Variants in UACA observed in about 807,000 individuals in gnomAD.
UACA encodes the protein uveal autoantigen with coiled-coil domains and ankyrin repeats.
A neutral mutation model predicts 160.5 loss-of-function variants in UACA; 112 were observed. The observed-to-expected ratio is 0.70, with a 90% CI of 0.60 to 0.82. UACA has a LOEUF of 0.82. Among genes scored for constraint, UACA ranks in the 40% least tolerant of loss-of-function variants. UACA has a pLI of 0.00. For missense variants in UACA, 1,574 were observed against 1,614.6 expected (o/e 0.97, Z 0.43); for synonymous variants, 557 against 568.4 (o/e 0.98, Z 0.29).
intron 3 of UACA, among the ~76,000 whole-genome samples, chr15:70,694,570 A>G (rs2140957100): frequency 1.3e-5 from 2 of 152,280 alleles, no homozygotes; most frequent in South Asian, 4.1e-4. Context: ...AAAATGAATG[A>G]GAATAAAATG....
chr15:70,681,612 T>C (rs1433291800), intron 9 of UACA: 1 of 152,190 alleles, frequency 6.6e-6, no homozygotes, highest in Non-Finnish European at 1.5e-5. Flanking sequence ...CTGTGTGAGA[T>C]GGCTAGTACA....
chr15:70,692,539 G>C (rs916900983), intron 3 of UACA, among the ~76,000 whole-genome samples: 2 of 152,194 alleles, frequency 1.3e-5, no homozygotes, highest in Admixed American at 6.5e-5. Flanking sequence ...GAGAGGCCTA[G>C]GCAGGTGTAT....
At chr15:70,672,627 C>T (rs1039339624) in intron 13 of UACA, among the ~76,000 whole-genome samples, 6 of 152,074 alleles carry the variant, frequency 3.9e-5, no homozygotes, top group Non-Finnish European at 7.4e-5. Context: ...AAGCCAAATA[C>T]AAAGAATCTA....
chr15:70,769,572 A>T, the UACA span, among the ~76,000 whole-genome samples: 1 of 151,368 alleles, frequency 6.6e-6, no homozygotes, highest in South Asian at 2.1e-4. Context: ...ATTTTATATC[A>T]TATAAAATTA....
the UACA span, among the ~76,000 whole-genome samples, chr15:70,771,820 C>CA: frequency 0.18 from 27,482 of 152,002 alleles, 3,772 homozygotes; most frequent in African/African-American, 0.39. Flanking sequence ...AAGAAAACAG[C>CA]AATGCAACGG....
chr15:70,719,959 AT>A (rs745743535), intron 1 of UACA, among the ~76,000 whole-genome samples: 1 of 152,094 alleles, frequency 6.6e-6, no homozygotes, highest in Non-Finnish European at 1.5e-5. Context: ...ACAGGGTGAT[AT>A]GGTTTGGATC....
At chr15:70,746,225 A>G (rs952234023) in intron 1 of UACA, among the ~76,000 whole-genome samples, 1 of 152,240 alleles carries the variant, frequency 6.6e-6, no homozygotes, top group Admixed American at 6.5e-5. Flanking sequence ...AAATTTTTGC[A>G]ATCTATCCAT....
rs781150235 is a variant in UACA, at chr15:70,687,602, T to C, written c.540A>G (p.Pro180=). The C allele has an allele frequency of 6.2e-7, 1 of 1,613,958 alleles. No homozygotes were observed. The highest frequency in any genetic ancestry group is 8.5e-7 in the Non-Finnish European group (1 of 1,179,872). ...PLVLATQMSR[P]TICQLLIDRG... ...TATCTATCAGCAGTTGACATATTGT[T>C]GGCCTACTCATCTGAGTAGCCAGAA... The change falls in exon 7 of 19, where the codon CCA becomes CCG. Residue 180 remains proline (P), a synonymous_variant. Transcript: ENST00000322954.
At chr15:70,776,486 G>C in the UACA span, among the ~76,000 whole-genome samples, 2 of 148,030 alleles carry the variant, frequency 1.4e-5, no homozygotes, top group Non-Finnish European at 3.0e-5. Context: ...GGAGTGCAGT[G>C]GCGTGATCTC....
rs537603881 is a variant in UACA, at chr15:70,669,470, G to GAA, written c.1222-10_1222-9dup. The GAA allele has an allele frequency of 4.4e-5, 50 of 1,125,244 alleles. No individual in the cohort carries two copies. Among genetic ancestry groups the GAA allele is most frequent in the South Asian group, 1.4e-4 (7 of 49,474 alleles). 69.7% of individuals were successfully genotyped at this position (1,125,244 alleles called of 1,614,324 possible). ...TATACCTGGGGAAGTACACTGAAAA[G>GAA]AAAAAAAAAAAGACATCAATCACAA... is the stretch of plus-strand genomic sequence containing the variant. On this transcript the variant is annotated splice_polypyrimidine_tract_variant and intron_variant, in intron 15 of 18. Coordinates refer to ENST00000322954, the MANE Select transcript of UACA (RefSeq NM_018003.4).
chr15:70,722,541 C>A (rs535246184), intron 1 of UACA, among the ~76,000 whole-genome samples: 1 of 152,266 alleles, frequency 6.6e-6, no homozygotes, highest in Non-Finnish European at 1.5e-5. Context: ...TGGTCCTGAA[C>A]TACTGAGCTC....
Position 70,668,747 on chromosome 15 carries a change from T to C in UACA, c.1937A>G (p.Lys646Arg). 3.7e-6 allele frequency: 6 copies of C among 1,613,888 alleles called. No individual in the cohort carries two copies. Among genetic ancestry groups the C allele is most frequent in the Non-Finnish European group, 5.1e-6 (6 of 1,179,978 alleles). ...TTCCATTTCTACTAATTTTTTTGCTTTCTCATTCACTTCATTTGATAATGA... is the reference window on the plus strand; with the variant it reads ...TTCCATTTCTACTAATTTTTTTGCTCTCTCATTCACTTCATTTGATAATGA... Reference protein sequence around the residue: ...KSSLSNEVNEKAKKLVEMERE... With the variant: ...KSSLSNEVNERAKKLVEMERE... Residue 646 changes from lysine to arginine, a missense_variant, in exon 16 of 19, where the codon AAA becomes AGA. Coordinates refer to ENST00000322954, the MANE Select transcript of UACA (RefSeq NM_018003.4).
chr15:70,658,582 A>G (rs1896565934), intron 18 of UACA, among the ~76,000 whole-genome samples: 2 of 152,206 alleles, frequency 1.3e-5, no homozygotes, highest in African/African-American at 4.8e-5. Context: ...GAAACCAAGT[A>G]TCTTTTTTAC....
chr15:70,756,271 A>G (rs1323820666), intron 1 of UACA, among the ~76,000 whole-genome samples: 1 of 151,886 alleles, frequency 6.6e-6, no homozygotes, highest in Non-Finnish European at 1.5e-5. Flanking sequence ...GGTTCAAGCA[A>G]TTCTCCTGCC....
Position 70,702,192 on chromosome 15 carries a change from C to G in UACA, c.79-2532G>C, listed in dbSNP as rs1898390705. 3 of 1,170,656 alleles carry G rather than the reference C, an allele frequency of 2.6e-6. No individual in the cohort carries two copies. The South Asian group carries it at 9.6e-5, about 37-fold the overall frequency. The allele number at this position is 1,170,656 out of a possible 1,614,324, so 72.5% of individuals were successfully genotyped here. On this transcript the variant is annotated intron_variant, in intron 1 of 18. Transcript: ENST00000322954. ...ACAGTAACTCTATCTATTTCTTATT[C>G]TTTGGAAGCTAGCTATCTTTCAAAG...
intron 1 of UACA, among the ~76,000 whole-genome samples, chr15:70,725,704 T>C (rs1361685857): frequency 6.6e-6 from 1 of 152,012 alleles, no homozygotes; most frequent in Non-Finnish European, 1.5e-5. Flanking sequence ...AACCAAAAAA[T>C]AAAAACCAAG....
At chr15:70,762,303 G>A (rs913474871) in intron 1 of UACA, among the ~76,000 whole-genome samples, 22 of 152,144 alleles carry the variant, frequency 1.4e-4, no homozygotes, top group African/African-American at 2.9e-4. Flanking sequence ...CTGATAAAAA[G>A]AATATAATCA....
At position 70,676,567 on chromosome 15, in the gene UACA, C is replaced by T. The variant is rs372300506; in HGVS notation, c.1057G>A (p.Ala353Thr). 4 of 1,612,424 alleles carry T rather than the reference C, an allele frequency of 2.5e-6. No individual in the cohort carries two copies. Among genetic ancestry groups the T allele is most frequent in the Non-Finnish European group, 3.4e-6 (4 of 1,179,522 alleles). The change falls in exon 13 of 19, where the codon GCA (alanine) becomes ACA (threonine). Residue 353 changes from alanine to threonine, a missense_variant. Physicochemically the swap from Ala to Thr is moderately conservative, Grantham distance 58 (BLOSUM62 0). Coordinates refer to ENST00000322954, the MANE Select transcript of UACA (RefSeq NM_018003.4). ...TCTTCATGTTGCTTTTCTTTAGCTG[C>T]CAAAAGGGACTTCAGCTTTTCTCTC... ...SEREKLKSLL[A>T]AKEKQHEESL... is the part of the protein sequence containing the mutation.
Position 70,740,637 on chromosome 15 carries a change from CAAAAAAAA to C in UACA, c.78+22685_78+22692del, listed in dbSNP as rs10536483. Among the ~76,000 whole-genome samples the C allele has an allele frequency of 1.3e-4, 11 of 84,030 alleles. No homozygotes were observed. In the Admixed American group the frequency reaches 1.6e-3, roughly 12 times the overall value. 55.1% of individuals were successfully genotyped at this position (84,030 alleles called of 152,430 possible). On this transcript the variant is annotated intron_variant, in intron 1 of 18. Coordinates refer to ENST00000322954, the MANE Select transcript of UACA (RefSeq NM_018003.4). ...TGGGTGACAAAGCAAGACCCTGTCTCAAAAAAAAAAAAAAAAAAAAGCCCTTCATTATG... is the reference window on the plus strand; with the variant it reads ...TGGGTGACAAAGCAAGACCCTGTCTCAAAAAAAAAAAAGCCCTTCATTATG...
Sources: allele counts gnomAD v4.1 joint callset (sites outside exome capture counted in the v4.1 genomes callset), GRCh38; gene constraint gnomAD v4.1.1; transcripts MANE v1.5; gene names NCBI Gene and HGNC (gene_info 2026-07-23, HGNC 2026-07-21).